Variants in GRIK2 observed in about 807,000 individuals in gnomAD.
GRIK2 encodes the protein glutamate ionotropic receptor kainate type subunit 2.
Under a neutral mutation model 100.3 loss-of-function variants are expected in GRIK2, and 32 were observed. The ratio of observed to expected loss-of-function variants is 0.32; its 90% CI spans 0.24 to 0.43. The LOEUF is 0.43. Among genes scored for constraint, GRIK2 ranks in the 20% least tolerant of loss-of-function variants. The pLI is 1.00. For synonymous variants in GRIK2, 417 were observed against 389.4 expected, an observed-to-expected ratio of 1.07 and a Z score of -0.83; for missense variants, 843 against 1,114.9, an observed-to-expected ratio of 0.76 and a Z score of 3.47.
chr6:101,964,025 A>C (rs1417946943), intron 14 of GRIK2, among the ~76,000 whole-genome samples: 1 of 151,574 alleles, frequency 6.6e-6, no homozygotes, highest in Non-Finnish European at 1.5e-5. Flanking sequence ...TTCAAATTAC[A>C]TAGATGCTTG....
chr6:101,814,269 GA>G (rs140602753), intron 9 of GRIK2, among the ~76,000 whole-genome samples: 1 of 151,880 alleles, frequency 6.6e-6, no homozygotes, highest in Non-Finnish European at 1.5e-5. Context: ...TTAGGACATT[GA>G]AAAAATCTAC....
At chr6:101,406,354 C>G (rs920764828) in intron 2 of GRIK2, among the ~76,000 whole-genome samples, 1 of 151,992 alleles carries the variant, frequency 6.6e-6, no homozygotes, top group Non-Finnish European at 1.5e-5. Flanking sequence ...ATTTTCTTAG[C>G]TAAAAACTGA....
At position 101,958,809 on chromosome 6, in the gene GRIK2, T is replaced by C. The variant is rs988652456; in HGVS notation, c.2085+30177T>C. On this transcript the variant is annotated intron_variant, in intron 14 of 16. Coordinates refer to ENST00000369134, the MANE Select transcript of GRIK2 (RefSeq NM_021956.5). ...CATATGGTTTTTGTTTTAAATTCTG[T>C]TTATGTGGTGAATCACATTTATTAA... is the stretch of plus-strand genomic sequence containing the variant. Among the ~76,000 whole-genome samples the C allele has an allele frequency of 3.9e-5, 6 of 152,278 alleles. No individual in the cohort carries two copies. In the South Asian group the frequency reaches 6.2e-4, roughly 16 times the overall value.
chr6:101,607,517 A>T (rs570599593), intron 2 of GRIK2, among the ~76,000 whole-genome samples: 4 of 152,048 alleles, frequency 2.6e-5, no homozygotes, highest in Non-Finnish European at 5.9e-5. Context: ...CCAGAGGTAG[A>T]AAGAGAGCTT....
At chr6:101,502,822 C>A (rs1562184753) in intron 2 of GRIK2, among the ~76,000 whole-genome samples, 1 of 152,076 alleles carries the variant, frequency 6.6e-6, no homozygotes, top group Non-Finnish European at 1.5e-5. Context: ...CCCTTGCCAT[C>A]ATTCTAGTTC....
intron 7 of GRIK2, among the ~76,000 whole-genome samples, chr6:101,698,110 G>C (rs1772628370): frequency 6.6e-6 from 1 of 151,844 alleles, no homozygotes. Context: ...TAATGCTCTG[G>C]GTGAGATTAA....
At chr6:101,767,453 G>A (rs2128395249) in intron 7 of GRIK2, among the ~76,000 whole-genome samples, 1 of 152,172 alleles carries the variant, frequency 6.6e-6, no homozygotes, top group East Asian at 1.9e-4. Context: ...TAATATGACA[G>A]TCATAAGCTA....
rs551484740 is a variant in GRIK2, at chr6:101,793,984, G to T, written c.952-5664G>T. On this transcript the variant is annotated intron_variant, in intron 7 of 16. Transcript: ENST00000369134. ...TCAGACTTCTGTGCTAGCAATCAGC[G>T]AGACTCCATGGGCGTAGGACCCTCC... Among the ~76,000 whole-genome samples the T allele has an allele frequency of 1.3e-4, 20 of 152,236 alleles. No individual in the cohort carries two copies. In the South Asian group the frequency reaches 4.1e-3, roughly 32 times the overall value.
chr6:102,022,814 C>A (rs1044470986), intron 14 of GRIK2, among the ~76,000 whole-genome samples: 6 of 151,518 alleles, frequency 4.0e-5, no homozygotes, highest in African/African-American at 7.3e-5. Context: ...GCTGTGCCTG[C>A]TAGAGCTTTG....
chr6:101,835,514 A>G (rs1783018108), intron 10 of GRIK2, among the ~76,000 whole-genome samples: 1 of 119,940 alleles, frequency 8.3e-6, no homozygotes, highest in African/African-American at 3.3e-5. Context: ...TCTGTCGCCC[A>G]GGCAGGATTG....
chr6:101,904,428 A>G (rs997293716), intron 12 of GRIK2, among the ~76,000 whole-genome samples: 4 of 151,536 alleles, frequency 2.6e-5, no homozygotes, highest in African/African-American at 9.7e-5. Flanking sequence ...TCTTTTAAGA[A>G]AGTACATACA....
chr6:101,852,372 A>G (rs933287990), intron 10 of GRIK2, among the ~76,000 whole-genome samples: 5 of 151,936 alleles, frequency 3.3e-5, no homozygotes, highest in African/African-American at 9.7e-5. Context: ...TTAACCCTCT[A>G]CACATGGGTT....
intron 2 of GRIK2, among the ~76,000 whole-genome samples, chr6:101,547,391 C>T (rs531317162): frequency 6.6e-6 from 1 of 152,092 alleles, no homozygotes; most frequent in East Asian, 1.9e-4. Context: ...CATATGTATA[C>T]ATGTGCCATG....
At chr6:101,813,974 A>G (rs958857129) in intron 9 of GRIK2, among the ~76,000 whole-genome samples, 3 of 151,976 alleles carry the variant, frequency 2.0e-5, no homozygotes. Flanking sequence ...AAAAAAAAAA[A>G]AAATGTTAAC....
intron 10 of GRIK2, among the ~76,000 whole-genome samples, chr6:101,836,208 G>A (rs1436992409): frequency 7.2e-5 from 11 of 151,962 alleles, no homozygotes; most frequent in Admixed American, 6.6e-5. Flanking sequence ...TATTTCTGAA[G>A]CTTGGAAACT....
At chr6:101,542,769 A>T (rs2128289289) in intron 2 of GRIK2, among the ~76,000 whole-genome samples, 1 of 152,244 alleles carries the variant, frequency 6.6e-6, no homozygotes, top group South Asian at 2.1e-4. Flanking sequence ...AAAATTAACT[A>T]AATTTTGAAA....
At chr6:101,836,912 C>T (rs1250072235) in intron 10 of GRIK2, among the ~76,000 whole-genome samples, 2 of 151,928 alleles carry the variant, frequency 1.3e-5, no homozygotes, top group Non-Finnish European at 2.9e-5. Flanking sequence ...GATCTGCCCT[C>T]CTCGGCCTCC....
intron 14 of GRIK2, among the ~76,000 whole-genome samples, chr6:102,005,121 T>C (rs7754590): frequency 0.12 from 18,144 of 151,188 alleles, 3,080 homozygotes; most frequent in African/African-American, 0.38. Context: ...AATAGAAGGA[T>C]AATATTTCAT....
chr6:102,023,105 A>T (rs2114373478), intron 14 of GRIK2, among the ~76,000 whole-genome samples: 1 of 151,604 alleles, frequency 6.6e-6, no homozygotes, highest in Middle Eastern at 3.4e-3. Context: ...ATTAATTTAA[A>T]TTTAAAATAT....
Sources: gnomAD v4.1 joint callset for allele counts (sites outside exome capture counted in the v4.1 genomes callset) on GRCh38, gnomAD v4.1.1 for gene constraint, MANE v1.5 for transcripts, NCBI Gene and HGNC (gene_info 2026-07-23, HGNC 2026-07-21) for gene names.